Variants in RTL4 observed in about 807,000 individuals in gnomAD.
RTL4 encodes retrotransposon Gag-like protein 4.
Under a neutral mutation model 5.3 loss-of-function variants are expected in RTL4, and 4 were observed. That is an observed-to-expected ratio of 0.75 (90% CI 0.37 to 1.72). RTL4 has a LOEUF of 1.72. Ranked by LOEUF, RTL4 falls within the 40% of genes most tolerant of loss-of-function variation. The pLI, the probability that RTL4 is intolerant of heterozygous loss-of-function variation, is 0.04. For missense variants in RTL4, 260 were observed against 227.1 expected, an observed-to-expected ratio of 1.14 and a Z score of -0.93; for synonymous variants, 98 against 87.3, an observed-to-expected ratio of 1.12 and a Z score of -0.68.
At chrX:112,304,591 G>T in the RTL4 span, among the ~76,000 whole-genome samples, 31 of 106,289 alleles carry the variant, frequency 2.9e-4, no homozygotes, top group African/African-American at 7.6e-4. Flanking sequence ...AAGTAGTACT[G>T]CAGGAAAGCA....
the RTL4 span, among the ~76,000 whole-genome samples, chrX:112,135,498 A>G: frequency 1.8e-5 from 2 of 111,386 alleles, no homozygotes; most frequent in African/African-American, 6.5e-5. Flanking sequence ...TTCTCTTATC[A>G]GCCTCTTTCA....
the RTL4 span, among the ~76,000 whole-genome samples, chrX:112,171,458 A>AT: frequency 3.9e-3 from 422 of 109,269 alleles, 7 homozygotes; most frequent in African/African-American, 0.013. Context: ...TTGGGGATTC[A>AT]TTTTTTTTTC....
chrX:112,423,204 G>C, the RTL4 span, among the ~76,000 whole-genome samples: 3 of 110,464 alleles, frequency 2.7e-5, no homozygotes, highest in African/African-American at 9.9e-5. Flanking sequence ...TCTGGTGATA[G>C]ATCAATTCCT....
the RTL4 span, among the ~76,000 whole-genome samples, chrX:112,163,548 T>C: frequency 2.7e-5 from 3 of 111,831 alleles, no homozygotes; most frequent in Non-Finnish European, 5.6e-5. Flanking sequence ...TACATGTCTT[T>C]TTCTTGAGGA....
the RTL4 span, among the ~76,000 whole-genome samples, chrX:112,168,812 T>C: frequency 8.9e-6 from 1 of 111,787 alleles, no homozygotes; most frequent in Non-Finnish European, 1.9e-5. Context: ...TATAAGCAGG[T>C]GAGGAGCCCA....
exon 1 of RTL4, chrX:112,454,917 G>T (rs1298873647): frequency 8.3e-7 from 1 of 1,208,238 alleles, no homozygotes; most frequent in Non-Finnish European, 1.1e-6. Flanking sequence ...ATCTCACCCA[G>T]TTTCATGGTG....
chrX:112,349,284 A>C, the RTL4 span, among the ~76,000 whole-genome samples: 1 of 111,648 alleles, frequency 9.0e-6, no homozygotes, highest in East Asian at 2.8e-4. Context: ...CCTTTCTCTG[A>C]ATCCAATTGC....
At chrX:112,172,041 A>C in the RTL4 span, among the ~76,000 whole-genome samples, 1 of 112,549 alleles carries the variant, frequency 8.9e-6, no homozygotes, top group Non-Finnish European at 1.9e-5. Flanking sequence ...CCATTAAAAA[A>C]TGGGCAAAAA....
chrX:112,379,790 G>T, the RTL4 span, among the ~76,000 whole-genome samples: 1 of 111,178 alleles, frequency 9.0e-6, no homozygotes, highest in Admixed American at 9.6e-5. Flanking sequence ...TGTTTTTAAT[G>T]TGATATACAT....
At chrX:112,143,784 C>G in the RTL4 span, among the ~76,000 whole-genome samples, 3 of 111,373 alleles carry the variant, frequency 2.7e-5, no homozygotes, top group Non-Finnish European at 5.7e-5. Context: ...GGTATGGGTC[C>G]CAGGAATCTA....
the RTL4 span, among the ~76,000 whole-genome samples, chrX:112,214,217 A>G: frequency 9.0e-6 from 1 of 111,380 alleles, no homozygotes; most frequent in African/African-American, 3.3e-5. Flanking sequence ...CTCTTTCTCT[A>G]TGAATGTAAC....
chrX:112,116,165 C>T, the RTL4 span, among the ~76,000 whole-genome samples: 18 of 111,865 alleles, frequency 1.6e-4, no homozygotes, highest in Non-Finnish European at 2.1e-4. Context: ...GACAGATGCC[C>T]GGCCTTTAGC....
chrX:112,181,159 G>A, the RTL4 span, among the ~76,000 whole-genome samples: 3 of 111,800 alleles, frequency 2.7e-5, no homozygotes, highest in Non-Finnish European at 3.8e-5. Context: ...CAGATACTAC[G>A]CTTTTACCGT....
the RTL4 span, among the ~76,000 whole-genome samples, chrX:112,396,229 GTGCAATGTCTCAATTGCTGTGCTGTCCC>G: frequency 9.0e-6 from 1 of 110,802 alleles, no homozygotes; most frequent in Non-Finnish European, 1.9e-5. Context: ...TGTGAGTTCA[GTGCAATGTCTCAATTGCTGTGCTGTCCC>G]TCTCCCAAAT....
chrX:112,102,547 G>A, the RTL4 span, among the ~76,000 whole-genome samples: 1 of 111,549 alleles, frequency 9.0e-6, no homozygotes, highest in Non-Finnish European at 1.9e-5. Context: ...AGAAATTTTA[G>A]TTGTTCCAGA....
At position 112,456,406 on chromosome X, in the gene RTL4, G is replaced by C. The variant is rs1310216067; in HGVS notation, c.*745G>C. The C allele has an allele frequency of 1.3e-5, 4 of 307,180 alleles. No homozygotes were observed. In the East Asian group the frequency reaches 1.9e-4, roughly 15 times the overall value. 25.3% of individuals were successfully genotyped at this position (307,180 alleles called of 1,213,427 possible). On this transcript the variant is annotated 3_prime_UTR_variant, in exon 1 of 1. Transcript: ENST00000340433. ...TCTTTGCAGGCTAGCCCATCAGGCA[G>C]GTGTATGCTTTTAGCCAAGCCCACC... is the stretch of plus-strand genomic sequence containing the variant.
chrX:112,247,648 C>A, the RTL4 span, among the ~76,000 whole-genome samples: 2 of 112,137 alleles, frequency 1.8e-5, no homozygotes, highest in East Asian at 5.6e-4. Flanking sequence ...ATTTGCTCAA[C>A]ATCTCACAGC....
At chrX:112,262,173 A>C in the RTL4 span, among the ~76,000 whole-genome samples, 1 of 112,329 alleles carries the variant, frequency 8.9e-6, no homozygotes, top group Non-Finnish European at 1.9e-5. Flanking sequence ...CAATGGCAAC[A>C]AAAGCCAAAA....
the RTL4 span, among the ~76,000 whole-genome samples, chrX:112,099,495 A>G: frequency 2.7e-5 from 3 of 111,429 alleles, no homozygotes; most frequent in East Asian, 2.9e-4. Flanking sequence ...TCCAGAGGGA[A>G]CAGCACGTGC....
Sources: allele counts gnomAD v4.1 joint callset (sites outside exome capture counted in the v4.1 genomes callset), GRCh38; gene constraint gnomAD v4.1.1; transcripts MANE v1.5; gene names NCBI Gene and HGNC (gene_info 2026-07-23, HGNC 2026-07-21).